SSBP3: variants seen among roughly 807,000 people sequenced by gnomAD.
SSBP3 encodes the protein single stranded DNA binding protein 3, also known as single-stranded DNA-binding protein 3.
Under a neutral mutation model 69.6 loss-of-function variants are expected in SSBP3, and 5 were observed. The ratio of observed to expected loss-of-function variants is 0.07; its 90% confidence interval spans 0.04 to 0.15. SSBP3 has a LOEUF of 0.15. SSBP3 is among the 10% of genes least tolerant of loss of function. The pLI is 1.00. For synonymous variants in SSBP3, 196 were observed against 193.4 expected (o/e 1.01, Z -0.11); for missense variants, 312 against 534.0 (o/e 0.58, Z 4.10).
At position 54,401,010 on chromosome 1, in the gene SSBP3, T is replaced by A. The variant is rs113361917; in HGVS notation, c.276+851A>T. Among the ~76,000 whole-genome samples the A allele has an allele frequency of 2.0e-3, 299 of 152,294 alleles. 4 individuals are homozygous for A. The highest frequency in any genetic ancestry group is 6.8e-3 in the Middle Eastern group (2 of 294). The stretch of plus-strand genomic sequence containing the variant: ...GGACATGCTTAACTGTCTACAGGGC[T>A]AGCAAGAAGAACTGAACAGAGGCTA... On this transcript the variant is annotated intron_variant, in intron 4 of 17. Coordinates refer to ENST00000610401, the Ensembl canonical transcript of SSBP3.
upstream of SSBP3, among the ~76,000 whole-genome samples, chr1:54,410,495 G>T (rs1267494277): frequency 6.6e-6 from 1 of 152,200 alleles, no homozygotes; most frequent in Non-Finnish European, 1.5e-5. Flanking sequence ...CCCGCTGGGG[G>T]CTGTTTCAGT....
At chr1:54,392,691 C>A (rs1014233090) in intron 4 of SSBP3, among the ~76,000 whole-genome samples, 1 of 152,208 alleles carries the variant, frequency 6.6e-6, no homozygotes, top group Non-Finnish European at 1.5e-5. Context: ...CTTCTCACTT[C>A]TCAAGGCTCA....
At chr1:54,337,260 C>A (rs1569857026) in intron 4 of SSBP3, among the ~76,000 whole-genome samples, 2 of 152,268 alleles carry the variant, frequency 1.3e-5, no homozygotes, top group South Asian at 4.1e-4. Flanking sequence ...ACCATCCCAG[C>A]CTCACACACA....
chr1:54,407,115 G>A (rs920314793), upstream of SSBP3, among the ~76,000 whole-genome samples: 1 of 152,110 alleles, frequency 6.6e-6, no homozygotes, highest in Non-Finnish European at 1.5e-5. Flanking sequence ...CCAAAGTGGA[G>A]CCGCGCGAAA....
intron 4 of SSBP3, among the ~76,000 whole-genome samples, chr1:54,397,279 C>G (rs539529072): frequency 6.6e-6 from 1 of 152,202 alleles, no homozygotes; most frequent in Non-Finnish European, 1.5e-5. Context: ...TTGTCCCCCT[C>G]CCCCGAAAGG....
intron 4 of SSBP3, among the ~76,000 whole-genome samples, chr1:54,373,289 T>G (rs1446266424): frequency 6.6e-6 from 1 of 152,080 alleles, no homozygotes. Context: ...TGGGGCCCCT[T>G]TCTGTCAATC....
intron 14 of SSBP3, 54 bp from the exon 15 acceptor site, chr1:54,228,880 C>G: frequency 6.4e-7 from 1 of 1,556,896 alleles, no homozygotes; most frequent in African/African-American, 1.4e-5. Context: ...CCTCTGCACC[C>G]CTCACAGGCA....
At chr1:54,385,494 C>A (rs2100743757) in intron 4 of SSBP3, among the ~76,000 whole-genome samples, 1 of 152,308 alleles carries the variant, frequency 6.6e-6, no homozygotes, top group East Asian at 1.9e-4. Context: ...CCCAAACACA[C>A]ACACACACAA....
chr1:54,407,269 A>G (rs1233127456), upstream of SSBP3, among the ~76,000 whole-genome samples: 2 of 152,140 alleles, frequency 1.3e-5, no homozygotes, highest in African/African-American at 4.8e-5. Flanking sequence ...CTGCACGGGA[A>G]AGGGTGCCAC....
intron 4 of SSBP3, among the ~76,000 whole-genome samples, chr1:54,361,603 G>A (rs1347348150): frequency 1.3e-5 from 2 of 152,178 alleles, no homozygotes; most frequent in Non-Finnish European, 2.9e-5. Context: ...GGGCCTCAGA[G>A]AGGAGGTGCG....
intron 14 of SSBP3, among the ~76,000 whole-genome samples, chr1:54,234,762 AT>A (rs2100591061): frequency 6.7e-6 from 1 of 148,760 alleles, no homozygotes; most frequent in Admixed American, 6.6e-5. Context: ...CATCCTTTTT[AT>A]AAAAGAAAAA....
intron 4 of SSBP3, among the ~76,000 whole-genome samples, chr1:54,357,237 C>T (rs1646883271): frequency 6.6e-6 from 1 of 152,150 alleles, no homozygotes; most frequent in African/African-American, 2.4e-5. Context: ...TAATTAAAGG[C>T]TTTGCAGCAA....
intron 4 of SSBP3, among the ~76,000 whole-genome samples, chr1:54,302,882 A>C (rs1183580851): frequency 6.6e-6 from 1 of 152,196 alleles, no homozygotes; most frequent in Non-Finnish European, 1.5e-5. Flanking sequence ...CCAGGCCCTG[A>C]TGCCAGGCTC....
At chr1:54,341,585 A>G (rs897621289) in intron 4 of SSBP3, among the ~76,000 whole-genome samples, 8 of 152,138 alleles carry the variant, frequency 5.3e-5, no homozygotes, top group Admixed American at 4.6e-4. Context: ...AGTGAACAGG[A>G]CAGTAAAGAG....
chr1:54,404,545 A>G (rs1308734229), intron 3 of SSBP3, 31 bp downstream of exon 3: 3 of 1,611,846 alleles, frequency 1.9e-6, no homozygotes, highest in East Asian at 4.5e-5. Context: ...AACAAAACAA[A>G]CACACATGCA....
At chr1:54,309,807 C>T (rs982561859) in intron 4 of SSBP3, among the ~76,000 whole-genome samples, 2 of 152,208 alleles carry the variant, frequency 1.3e-5, no homozygotes, top group African/African-American at 4.8e-5. Context: ...AAACCCATTG[C>T]AGGCACACAC....
chr1:54,310,787 G>A (rs770332808), intron 4 of SSBP3, among the ~76,000 whole-genome samples: 2 of 152,178 alleles, frequency 1.3e-5, no homozygotes, highest in African/African-American at 2.4e-5. Context: ...CCACTTGCTG[G>A]TCTTTTCAAA....
intron 6 of SSBP3, 89 bp from the exon 7 acceptor site, chr1:54,257,275 T>C (rs989903488): frequency 7.7e-6 from 9 of 1,174,068 alleles, no homozygotes; most frequent in Non-Finnish European, 1.1e-5. Flanking sequence ...AGTCCAGTTT[T>C]GTTATAACTA....
exon 8 of SSBP3, chr1:54,251,805 G>A: frequency 6.2e-7 from 1 of 1,611,756 alleles, no homozygotes; most frequent in Non-Finnish European, 8.5e-7. Flanking sequence ...TTGTTGTCGT[G>A]TGGGATCCAT....
Sources: allele counts gnomAD v4.1 joint callset (sites outside exome capture counted in the v4.1 genomes callset), GRCh38; gene constraint gnomAD v4.1.1; transcripts MANE v1.5; gene names NCBI Gene and HGNC (gene_info 2026-07-23, HGNC 2026-07-21).